The following KHDRBS2 variants were observed in gnomAD, a reference collection of about 807,000 sequenced individuals.
KHDRBS2 encodes the protein KH domain-containing, RNA-binding, signal transduction-associated protein 2.
A neutral mutation model predicts 44.3 loss-of-function variants in KHDRBS2; 26 were observed. That is an observed-to-expected ratio of 0.59 (90% CI 0.43 to 0.81). KHDRBS2 has a LOEUF of 0.81. Among genes scored for constraint, KHDRBS2 ranks in the 40% least tolerant of loss-of-function variants. KHDRBS2 has a pLI of 0.00. For synonymous variants in KHDRBS2, 194 were observed against 151.1 expected (o/e 1.28, Z -2.08); for missense variants, 476 against 433.1 (o/e 1.10, Z -0.88).
chr6:61,582,005 G>T, the KHDRBS2 span, among the ~76,000 whole-genome samples: 379 of 151,632 alleles, frequency 2.5e-3, 8 homozygotes, highest in East Asian at 0.018. Context: ...TTTTTAAAAA[G>T]AAATAAAAAG....
chr6:62,175,668 C>T (rs1283370228), intron 2 of KHDRBS2, among the ~76,000 whole-genome samples: 14 of 151,514 alleles, frequency 9.2e-5, no homozygotes, highest in African/African-American at 2.7e-4. Context: ...CCGTGGTCCA[C>T]GGCAGTTAAG....
At chr6:62,098,933 AT>A (rs1233488049) in intron 2 of KHDRBS2, among the ~76,000 whole-genome samples, 6 of 149,730 alleles carry the variant, frequency 4.0e-5, no homozygotes, top group Non-Finnish European at 5.9e-5. Flanking sequence ...TCTCTATTAT[AT>A]TTTTTATTTA....
chr6:62,009,582 C>T (rs1779903955), intron 3 of KHDRBS2, among the ~76,000 whole-genome samples: 1 of 152,198 alleles, frequency 6.6e-6, no homozygotes, highest in Non-Finnish European at 1.5e-5. Flanking sequence ...CCGCTCCCAT[C>T]ACAGGCCCAG....
intron 6 of KHDRBS2, among the ~76,000 whole-genome samples, chr6:61,776,277 C>G (rs1007490817): frequency 6.6e-6 from 1 of 151,998 alleles, no homozygotes; most frequent in African/African-American, 2.4e-5. Context: ...CAACAAAAGC[C>G]AAAATTGACA....
chr6:62,143,305 C>T (rs1390563967), intron 2 of KHDRBS2, among the ~76,000 whole-genome samples: 1 of 151,940 alleles, frequency 6.6e-6, no homozygotes, highest in Non-Finnish European at 1.5e-5. Flanking sequence ...AATGATTACA[C>T]ATATTTTGTA....
chr6:62,194,214 A>C (rs1393882500), intron 1 of KHDRBS2, among the ~76,000 whole-genome samples: 1 of 151,740 alleles, frequency 6.6e-6, no homozygotes, highest in African/African-American at 2.4e-5. Flanking sequence ...TCTTACATTT[A>C]TTTCTTTTAT....
intron 4 of KHDRBS2, among the ~76,000 whole-genome samples, chr6:61,951,157 TG>T (rs1295601507): frequency 4.6e-5 from 7 of 151,944 alleles, no homozygotes; most frequent in Non-Finnish European, 1.0e-4. Context: ...AAAGAAACTT[TG>T]TGTGATGTCA....
chr6:62,188,360 C>T (rs773204146), intron 1 of KHDRBS2, among the ~76,000 whole-genome samples: 4 of 152,108 alleles, frequency 2.6e-5, no homozygotes, highest in Non-Finnish European at 5.9e-5. Context: ...TGCTTCCATG[C>T]ATTTGACTAT....
intron 6 of KHDRBS2, among the ~76,000 whole-genome samples, chr6:61,762,296 A>G (rs997648736): frequency 6.6e-6 from 1 of 152,242 alleles, no homozygotes; most frequent in African/African-American, 2.4e-5. Flanking sequence ...GGAAGAGTCT[A>G]CTGAGGACTT....
At chr6:61,955,031 T>TAC (rs1766238432) in intron 4 of KHDRBS2, among the ~76,000 whole-genome samples, 1 of 140,706 alleles carries the variant, frequency 7.1e-6, no homozygotes, top group Non-Finnish European at 1.6e-5. Flanking sequence ...CATACATATA[T>TAC]ACATACATGT....
chr6:62,131,677 C>T (rs1286920280), intron 2 of KHDRBS2, among the ~76,000 whole-genome samples: 4 of 152,114 alleles, frequency 2.6e-5, no homozygotes, highest in Non-Finnish European at 5.9e-5. Context: ...TATTGGGGTC[C>T]TAATTGGCTG....
At chr6:61,930,708 AAAAG>A (rs1168914000) in intron 4 of KHDRBS2, among the ~76,000 whole-genome samples, 9 of 146,726 alleles carry the variant, frequency 6.1e-5, no homozygotes, top group African/African-American at 2.0e-4. Context: ...AAAAAAAAGA[AAAAG>A]AAAGAAAGAC....
At chr6:62,109,533 T>C (rs1291917919) in intron 2 of KHDRBS2, among the ~76,000 whole-genome samples, 1 of 151,874 alleles carries the variant, frequency 6.6e-6, no homozygotes, top group Non-Finnish European at 1.5e-5. Context: ...CTCAACTGTG[T>C]AGAAAATCCA....
At chr6:62,253,441 A>G (rs544754785) in intron 1 of KHDRBS2, among the ~76,000 whole-genome samples, 1 of 152,008 alleles carries the variant, frequency 6.6e-6, no homozygotes, top group African/African-American at 2.4e-5. Context: ...GGATCAGAAA[A>G]TTCATTAGGG....
intron 6 of KHDRBS2, among the ~76,000 whole-genome samples, chr6:61,865,733 A>T (rs1797685974): frequency 6.6e-6 from 1 of 152,194 alleles, no homozygotes; most frequent in African/African-American, 2.4e-5. Context: ...CCACAGTCCA[A>T]AGTCTCATCT....
chr6:61,736,886 C>A (rs143272140), intron 6 of KHDRBS2, among the ~76,000 whole-genome samples: 2 of 152,122 alleles, frequency 1.3e-5, no homozygotes, highest in East Asian at 1.9e-4. Context: ...TACTATATTT[C>A]TTTTTCTATA....
rs1240013673 is a variant in KHDRBS2 at position 62,011,953 on chromosome 6, G to A, written c.337-33741C>T. ...AAGTGACTTAGGAACAGATTTAGGGGCATATTTACATACACAAGAAAAAAG... is the reference window on the plus strand; with the variant it reads ...AAGTGACTTAGGAACAGATTTAGGGACATATTTACATACACAAGAAAAAAG... On this transcript the variant is annotated intron_variant, in intron 3 of 8. Coordinates refer to ENST00000281156, the MANE Select transcript of KHDRBS2 (RefSeq NM_152688.4). Among the ~76,000 whole-genome samples, 5 of 152,034 alleles carry A rather than the reference G, an allele frequency of 3.3e-5. No individual in the cohort carries two copies. The East Asian group carries it at 9.6e-4, about 29-fold the overall frequency.
In KHDRBS2 at chr6:61,755,466, T is replaced by C. The variant is rs1023771815; in HGVS notation, c.811-22702A>G. On this transcript the variant is annotated intron_variant, in intron 6 of 8. Transcript: ENST00000281156. ...AGCTTATCAGAAAATTGAACTGCCA[T>C]GTTCAGAACCTAAGCAGCTCCTGAG... Among the ~76,000 whole-genome samples, 59 of 152,126 alleles carry C rather than the reference T, an allele frequency of 3.9e-4. 1 individual carries two copies. The highest frequency in any genetic ancestry group is 2.0e-4 in the Admixed American group (3 of 15,264).
chr6:61,634,537 TTA>T, the KHDRBS2 span, among the ~76,000 whole-genome samples: 1 of 148,228 alleles, frequency 6.7e-6, no homozygotes, highest in Admixed American at 6.8e-5. Context: ...CTGGTGTTGT[TTA>T]ACTCCGAAAA....
Sources: allele counts gnomAD v4.1 joint callset (sites outside exome capture counted in the v4.1 genomes callset), GRCh38; gene constraint gnomAD v4.1.1; transcripts MANE v1.5; gene names NCBI Gene and HGNC (gene_info 2026-07-23, HGNC 2026-07-21).